The following PGRMC1 variants were observed in gnomAD, a reference collection of about 807,000 sequenced individuals.
The protein encoded by PGRMC1 is progesterone receptor membrane component 1, also known as membrane-associated progesterone receptor component 1.
For missense variants in PGRMC1, 145 were observed against 169.0 expected, an observed-to-expected ratio of 0.86 and a Z score of 0.79; for synonymous variants, 73 against 77.3, an observed-to-expected ratio of 0.94 and a Z score of 0.29.
intron 1 of PGRMC1, among the ~76,000 whole-genome samples, chrX:119,239,078 A>C (rs1416179492): frequency 8.9e-6 from 1 of 112,051 alleles, no homozygotes; most frequent in Non-Finnish European, 1.9e-5. Context: ...TGCTTGGTAA[A>C]GACTCACTCT....
intron 2 of PGRMC1, among the ~76,000 whole-genome samples, chrX:119,242,657 T>A (rs775322738): frequency 2.7e-5 from 3 of 111,782 alleles, no homozygotes; most frequent in African/African-American, 9.7e-5. Flanking sequence ...ACTTAGCCAA[T>A]CTTATCTCCT....
chrX:119,237,094 G>T (rs1367130962), intron 1 of PGRMC1, among the ~76,000 whole-genome samples: 3 of 110,967 alleles, frequency 2.7e-5, no homozygotes, highest in African/African-American at 9.9e-5. Context: ...GGAGGAGGGG[G>T]TAGTGTCGGG....
At chrX:119,242,113 C>T (rs1930830974) in intron 2 of PGRMC1, among the ~76,000 whole-genome samples, 1 of 111,077 alleles carries the variant, frequency 9.0e-6, no homozygotes. Flanking sequence ...TTCCTAACCA[C>T]TACTTCATTT....
rs1228931862 is a variant in PGRMC1, at chrX:119,244,249, G to T, written c.*995G>T. On this transcript the variant is annotated 3_prime_UTR_variant, in exon 3 of 3. Coordinates refer to ENST00000217971, the MANE Select transcript of PGRMC1 (RefSeq NM_006667.5). ...GCAAAAGTAGTAGTCAAGTGTCTAGGTCTTTGATATTGCTCTTTTGGTTAA... is the reference window on the plus strand; with the variant it reads ...GCAAAAGTAGTAGTCAAGTGTCTAGTTCTTTGATATTGCTCTTTTGGTTAA... 1 of 112,602 alleles carries T rather than the reference G, an allele frequency of 8.9e-6. No homozygotes were observed. The highest frequency in any genetic ancestry group is 1.9e-5 in the Non-Finnish European group (1 of 53,232). The allele number at this position is 112,602 out of a possible 1,213,427, so 9.3% of individuals were successfully genotyped here. A position where few individuals can be genotyped will look rare whatever the true frequency, so the allele number is the denominator to read the frequency against.
intron 2 of PGRMC1, among the ~76,000 whole-genome samples, chrX:119,241,610 C>T (rs1210200837): frequency 9.0e-6 from 1 of 111,544 alleles, no homozygotes; most frequent in Admixed American, 9.5e-5. Context: ...TAAGGCTAGC[C>T]CCAGATGCTG....
In PGRMC1 at chrX:119,241,292, T is replaced by C. The variant is rs770809310; in HGVS notation, c.484+828T>C. Among the ~76,000 whole-genome samples the C allele has an allele frequency of 1.4e-4, 16 of 112,561 alleles. No homozygotes were observed. In the South Asian group the frequency reaches 5.9e-3, roughly 42 times the overall value. On this transcript the variant is annotated intron_variant, in intron 2 of 2. Transcript: ENST00000217971. ...TGTTCTCTTGGCTATATCCAACCAT[T>C]TTCTTTGAAAATAATGCTGACTTCA...
chrX:119,240,049 A>G (rs990090749), intron 1 of PGRMC1, among the ~76,000 whole-genome samples: 4 of 112,036 alleles, frequency 3.6e-5, no homozygotes, highest in Admixed American at 2.8e-4. Flanking sequence ...CTTTTTTACT[A>G]GCTATTTGGA....
intron 2 of PGRMC1, among the ~76,000 whole-genome samples, chrX:119,242,020 C>T (rs866061013): frequency 9.0e-6 from 1 of 111,649 alleles, no homozygotes; most frequent in South Asian, 3.8e-4. Flanking sequence ...CTGGGAAAAA[C>T]GTTCTGTCTC....
Position 119,236,744 on chromosome X carries a change from G to A in PGRMC1, c.328+53G>A. On this transcript the variant is annotated intron_variant, in intron 1 of 2. Coordinates refer to ENST00000217971, the MANE Select transcript of PGRMC1 (RefSeq NM_006667.5). ...GACAAAAGAAGGGGGCCCCGGCACG[G>A]GGCTGGGCGGGAGAGAGGCGAGGCG... 3.0e-6 allele frequency: 3 copies of A among 1,012,786 alleles called. No individual in the cohort carries two copies. In the South Asian group the frequency reaches 7.0e-5, roughly 24 times the overall value. 83.5% of individuals were successfully genotyped at this position (1,012,786 alleles called of 1,213,427 possible).
At chrX:119,243,043 A>G in intron 2 of PGRMC1, 108 bp from the exon 3 acceptor site, 1 of 556,241 alleles carries the variant, frequency 1.8e-6, no homozygotes, top group Non-Finnish European at 3.2e-6. Flanking sequence ...AGCCCAACAC[A>G]TTGCTGAGTA....
At chrX:119,239,490 A>G (rs1369631154) in intron 1 of PGRMC1, among the ~76,000 whole-genome samples, 1 of 112,506 alleles carries the variant, frequency 8.9e-6, no homozygotes, top group Non-Finnish European at 1.9e-5. Flanking sequence ...CAATATTTAA[A>G]TAAGTCTAAA....
At chrX:119,243,106 A>G in intron 2 of PGRMC1, 45 bp from the exon 3 acceptor site, 1 of 799,290 alleles carries the variant, frequency 1.3e-6, no homozygotes, top group Non-Finnish European at 1.9e-6. Context: ...ATGATGTTTT[A>G]GAAAGAATGA....
chrX:119,236,731 G>A, intron 1 of PGRMC1, 40 bp downstream of exon 1: 1 of 1,082,572 alleles, frequency 9.2e-7, no homozygotes, highest in African/African-American at 1.8e-5. Context: ...CAAAAGAAGG[G>A]GGCCCCGGCA....
In PGRMC1 at chrX:119,236,711, G is replaced by A. The variant is rs771989798; in HGVS notation, c.328+20G>A. On this transcript the variant is annotated intron_variant, in intron 1 of 2. Coordinates refer to ENST00000217971, the MANE Select transcript of PGRMC1 (RefSeq NM_006667.5). ...GGCCCGGTACGCGGCCGGCGAGGGGGGCTTGGAGACAAAAGAAGGGGGCCC... is the reference window on the plus strand; with the variant it reads ...GGCCCGGTACGCGGCCGGCGAGGGGAGCTTGGAGACAAAAGAAGGGGGCCC... 7.0e-6 allele frequency: 8 copies of A among 1,142,647 alleles called. No individual in the cohort carries two copies. In the African/African-American group the frequency reaches 1.3e-4, roughly 18 times the overall value. 94.2% of individuals were successfully genotyped at this position (1,142,647 alleles called of 1,213,427 possible).
chrX:119,238,287 G>A (rs969597833), intron 1 of PGRMC1, among the ~76,000 whole-genome samples: 3 of 111,459 alleles, frequency 2.7e-5, no homozygotes, highest in East Asian at 2.8e-4. Context: ...ACTCCTGGGC[G>A]CAAGCAGTCC....
chrX:119,238,853 T>C (rs747294320), intron 1 of PGRMC1, among the ~76,000 whole-genome samples: 6 of 112,340 alleles, frequency 5.3e-5, no homozygotes, highest in Non-Finnish European at 1.1e-4. Flanking sequence ...GTTAATTCTG[T>C]GCAAGGCACT....
rs146461802 is a variant in PGRMC1, at chrX:119,243,202, T to G, written c.536T>G (p.Val179Gly). Residue 179 changes from valine (V) to glycine (G), a missense_variant, in exon 3 of 3, where the codon GTG becomes GGG. Coordinates refer to ENST00000217971, the MANE Select transcript of PGRMC1 (RefSeq NM_006667.5). The stretch of plus-strand genomic sequence containing the variant: ...CTGAAGGAGGGGGAGGAGCCCACTG[T>G]GTACTCAGATGAGGAAGAACCAAAA... ...KLLKEGEEPT[V>G]YSDEEEPKDE... The G allele has an allele frequency of 8.3e-7, 1 of 1,203,832 alleles. No homozygotes were observed. The highest frequency in any genetic ancestry group is 2.2e-5 in the Admixed American group (1 of 45,889).
At chrX:119,237,597 A>T (rs764148370) in intron 1 of PGRMC1, among the ~76,000 whole-genome samples, 1 of 110,847 alleles carries the variant, frequency 9.0e-6, no homozygotes, top group Non-Finnish European at 1.9e-5. Flanking sequence ...GAGAGAAAGG[A>T]TTAGAAGCCA....
chrX:119,236,783 CCT>C, intron 1 of PGRMC1, 92 bp downstream of exon 1: 1 of 767,162 alleles, frequency 1.3e-6, no homozygotes. Context: ...GCGGGGCGCC[CCT>C]GAGTGGAGGG....
Sources: allele counts gnomAD v4.1 joint callset (sites outside exome capture counted in the v4.1 genomes callset), GRCh38; gene constraint gnomAD v4.1.1; transcripts MANE v1.5; gene names NCBI Gene and HGNC (gene_info 2026-07-23, HGNC 2026-07-21).